The following ADCYAP1 variants were observed in gnomAD, a reference collection of about 807,000 sequenced individuals.
ADCYAP1 encodes adenylate cyclase activating polypeptide 1.
Under a neutral mutation model 18.5 loss-of-function variants are expected in ADCYAP1, and 6 were observed. That is an observed-to-expected ratio of 0.32 (90% CI 0.18 to 0.64). The LOEUF is 0.64. ADCYAP1 is among the 30% of genes least tolerant of loss of function. The pLI, the probability that ADCYAP1 is intolerant of heterozygous loss-of-function variation, is 0.77. For synonymous variants in ADCYAP1, 136 were observed against 113.9 expected (o/e 1.19, Z -1.24); for missense variants, 314 against 253.6 (o/e 1.24, Z -1.62).
At chr18:905,198 ATATT>A in intron 1 of ADCYAP1, 138 bp downstream of exon 1, 2 of 1,426,140 alleles carry the variant, frequency 1.4e-6, no homozygotes, top group Non-Finnish European at 1.8e-6. Flanking sequence ...GCATATATAT[ATATT>A]TTTTTCTAAC....
chr18:911,200 G>A lies in ADCYAP1; in HGVS notation c.*1565G>A, dbSNP rs1261076447. ...AGGTAAGCAAGCTCCAACAGACCCT[G>A]AGAACCTACGCTTGTATCCTTTCTT... On this transcript the variant is annotated 3_prime_UTR_variant, in exon 5 of 5. Coordinates refer to ENST00000450565, the MANE Select transcript of ADCYAP1 (RefSeq NM_001099733.2). The A allele has an allele frequency of 2.6e-5, 4 of 152,068 alleles. No homozygotes were observed. Among genetic ancestry groups the A allele is most frequent in the African/African-American group, 9.7e-5 (4 of 41,408 alleles). The allele number at this position is 152,068 out of a possible 1,614,324, so 9.4% of individuals were successfully genotyped here. A position where few individuals can be genotyped will look rare whatever the true frequency, so the allele number is the denominator to read the frequency against.
intron 2 of ADCYAP1, 109 bp downstream of exon 2, chr18:905,605 C>T (rs886174864): frequency 7.0e-6 from 9 of 1,280,458 alleles, no homozygotes; most frequent in South Asian, 1.4e-5. Context: ...TAGCATCGCC[C>T]TCTGCGCCCC....
At position 909,916 on chromosome 18, in the gene ADCYAP1, GAGA is replaced by G. The variant is rs1275496288; in HGVS notation, c.*284_*286del. 3 of 147,668 alleles carry G rather than the reference GAGA, an allele frequency of 2.0e-5. No homozygotes were observed. The highest frequency in any genetic ancestry group is 4.4e-5 in the Non-Finnish European group (3 of 67,636). The allele number at this position is 147,668 out of a possible 1,614,324, so 9.1% of individuals were successfully genotyped here. A position where few individuals can be genotyped will look rare whatever the true frequency, so the allele number is the denominator to read the frequency against. ...TATATATATATATATAAAGTATAGA[GAGA>G]AGTTCATACAAAGCGTGCACAAGGA... On this transcript the variant is annotated 3_prime_UTR_variant, in exon 5 of 5. Coordinates refer to ENST00000450565, the MANE Select transcript of ADCYAP1 (RefSeq NM_001099733.2).
Position 905,488 on chromosome 18 carries a change from C to A in ADCYAP1, c.102C>A (p.Pro34=), listed in dbSNP as rs573823992. Residue 34 remains proline (P), a synonymous_variant, in exon 2 of 5, where the codon CCC becomes CCA. Transcript: ENST00000450565. ...CTGCCGCCGCCGGACTCCGGTTCCC[C>A]GGGATCAGGTAGGTGCTGGCTGCCT... ...SSPAAAGLRF[P]GIRPEEEAYG... is the part of the protein sequence containing the mutation. The A allele has an allele frequency of 5.0e-6, 8 of 1,607,090 alleles. No homozygotes were observed. The East Asian group carries it at 1.3e-4, about 27-fold the overall frequency.
Position 904,927 on chromosome 18 carries a change from C to T in ADCYAP1, c.-135C>T, listed in dbSNP as rs1264231053. The T allele has an allele frequency of 7.8e-7, 1 of 1,290,176 alleles. No homozygotes were observed. The highest frequency in any genetic ancestry group is 5.5e-5 in the East Asian group (1 of 18,056). 79.9% of individuals were successfully genotyped at this position (1,290,176 alleles called of 1,614,324 possible). Reference sequence around the variant, plus strand: ...GCTCCTCCTGCTGCTCCCGCTGGTTCCTGCGGCTTCTGCTCAGACACCAAC... The same window carrying T: ...GCTCCTCCTGCTGCTCCCGCTGGTTTCTGCGGCTTCTGCTCAGACACCAAC... On this transcript the variant is annotated 5_prime_UTR_variant, in exon 1 of 5. Transcript: ENST00000450565.
chr18:907,625 C>G, intron 2 of ADCYAP1, 34 bp from the exon 3 acceptor site: 1 of 1,572,508 alleles, frequency 6.4e-7, no homozygotes, highest in East Asian at 2.4e-5. Context: ...GGAACTTGCA[C>G]TGACCACACC....
intron 2 of ADCYAP1, among the ~76,000 whole-genome samples, chr18:906,853 C>T (rs1464121578): frequency 1.3e-5 from 2 of 152,342 alleles, no homozygotes; most frequent in East Asian, 3.9e-4. Context: ...ATCTCGGTCC[C>T]CCTCCTCGTG....
intron 2 of ADCYAP1, chr18:906,018 C>G (rs1415234381): frequency 6.5e-6 from 1 of 154,724 alleles, no homozygotes; most frequent in African/African-American, 2.4e-5. Flanking sequence ...TTCAAGTGAT[C>G]CGTGTTCCAA....
chr18:904,584 G>T (rs776348391), upstream of ADCYAP1: 8 of 1,286,678 alleles, frequency 6.2e-6, no homozygotes, highest in Middle Eastern at 2.2e-4. Context: ...CAGCCGGAGA[G>T]ACCTCGGAGC....
upstream of ADCYAP1, chr18:904,796 C>T: frequency 7.8e-7 from 1 of 1,282,636 alleles, no homozygotes. Flanking sequence ...TTTCTTTCTT[C>T]TGCCTCTCTC....
Position 909,748 on chromosome 18 carries a change from A to G in ADCYAP1, c.*113A>G. 2.2e-6 allele frequency: 2 copies of G among 918,768 alleles called. No homozygotes were observed. Among genetic ancestry groups the G allele is most frequent in the Non-Finnish European group, 1.6e-6 (1 of 628,406 alleles). The allele number at this position is 918,768 out of a possible 1,614,324, so 56.9% of individuals were successfully genotyped here. ...TTCTATCCAAACATGTATTTATGTAATGAAGTAAAGCCATTAAATGAATAT... is the reference window on the plus strand; with the variant it reads ...TTCTATCCAAACATGTATTTATGTAGTGAAGTAAAGCCATTAAATGAATAT... On this transcript the variant is annotated 3_prime_UTR_variant, in exon 5 of 5. Transcript: ENST00000450565.
intron 2 of ADCYAP1, chr18:906,684 ACTCCAAC>A (rs1455913957): frequency 6.6e-6 from 1 of 152,024 alleles, no homozygotes; most frequent in East Asian, 1.9e-4. Context: ...GCGAAGTACG[ACTCCAAC>A]CCCGCCCAGA....
intron 4 of ADCYAP1, among the ~76,000 whole-genome samples, chr18:909,212 C>A (rs1362076919): frequency 6.6e-6 from 1 of 152,214 alleles, no homozygotes; most frequent in Non-Finnish European, 1.5e-5. Flanking sequence ...ATCCCGGGCC[C>A]CCTCCGCAGG....
In ADCYAP1 at chr18:912,050, A is replaced by C. The variant is rs1211997382; in HGVS notation, c.*2415A>C. On this transcript the variant is annotated 3_prime_UTR_variant, in exon 5 of 5. Transcript: ENST00000450565. Reference sequence around the variant, plus strand: ...GTCTTGAAGCTCTTATTTTGTGTGCAACTGATTATAAAAACACCTTAACCA... The same window carrying C: ...GTCTTGAAGCTCTTATTTTGTGTGCCACTGATTATAAAAACACCTTAACCA... 1 of 152,214 alleles carries C rather than the reference A, an allele frequency of 6.6e-6. No homozygotes were observed. Among genetic ancestry groups the C allele is most frequent in the Non-Finnish European group, 1.5e-5 (1 of 68,038 alleles). 9.4% of individuals were successfully genotyped at this position (152,214 alleles called of 1,614,324 possible). A position where few individuals can be genotyped will look rare whatever the true frequency, so the allele number is the denominator to read the frequency against.
rs892817094 is a variant in ADCYAP1 at position 904,966 on chromosome 18, G to A, written c.-96G>A. 3.1e-6 allele frequency: 4 copies of A among 1,291,754 alleles called. No individual in the cohort carries two copies. Among genetic ancestry groups the A allele is most frequent in the Admixed American group, 2.3e-5 (1 of 43,612 alleles). 80.0% of individuals were successfully genotyped at this position (1,291,754 alleles called of 1,614,324 possible). A position where few individuals can be genotyped will look rare whatever the true frequency, so the allele number is the denominator to read the frequency against. On this transcript the variant is annotated 5_prime_UTR_variant, in exon 1 of 5. The change abolishes an upstream ATG in the 5' untranslated region. Transcript: ENST00000450565. ...TCAGACACCAACGCCAGACGGCGAT[G>A]CCTCTCGGGTGGTGACTCCAGCGCA...
chr18:908,309 TG>T lies in ADCYAP1; in HGVS notation c.289del (p.Asp97ThrfsTer62), dbSNP rs767349047. 1.2e-6 allele frequency: 2 copies of T among 1,613,226 alleles called. No homozygotes were observed. The highest frequency in any genetic ancestry group is 2.7e-5 in the African/African-American group (2 of 74,918). ...GILNEAYRKVLDQLSAGKHLQ... is the reference protein window; with the variant it reads ...GILNEAYRKVXDQLSAGKHLQ... ...CTTAACGAGGCCTACCGCAAAGTGC[TG>T]GACCAGCTGTCCGCCGGGAAGCACC... is the stretch of plus-strand genomic sequence containing the variant. On this transcript the variant is annotated frameshift_variant, in exon 4 of 5. Coordinates refer to ENST00000450565, the MANE Select transcript of ADCYAP1 (RefSeq NM_001099733.2). LOFTEE classifies it high-confidence loss of function.
Position 905,486 on chromosome 18 carries a change from C to T in ADCYAP1, c.100C>T (p.Pro34Ser). The change falls in exon 2 of 5, where the codon CCC (proline) becomes TCC (serine). Residue 34 changes from proline (P) to serine (S), a missense_variant. Coordinates refer to ENST00000450565, the MANE Select transcript of ADCYAP1 (RefSeq NM_001099733.2). ...SSPAAAGLRF[P>S]GIRPEEEAYG... ...ACCTGCCGCCGCCGGACTCCGGTTC[C>T]CCGGGATCAGGTAGGTGCTGGCTGC... 3 of 1,607,426 alleles carry T rather than the reference C, an allele frequency of 1.9e-6. No homozygotes were observed. Among genetic ancestry groups the T allele is most frequent in the Middle Eastern group, 1.7e-4 (1 of 6,060 alleles).
At chr18:904,811 C>T, upstream of ADCYAP1, 1 of 1,285,366 alleles carries the variant, frequency 7.8e-7, no homozygotes, top group South Asian at 1.2e-5. Context: ...TCTCTCTCTG[C>T]GCCCCCTTCT....
intron 1 of ADCYAP1, 99 bp downstream of exon 1, chr18:905,159 T>C (rs1381895373): frequency 7.1e-6 from 10 of 1,401,956 alleles, no homozygotes; most frequent in Non-Finnish European, 9.3e-6. Flanking sequence ...TTCAGCCGGG[T>C]CTGGCTAGTT....
Sources: allele counts gnomAD v4.1 joint callset (sites outside exome capture counted in the v4.1 genomes callset), GRCh38; gene constraint gnomAD v4.1.1; transcripts MANE v1.5; gene names NCBI Gene and HGNC (gene_info 2026-07-23, HGNC 2026-07-21).